Variants in OSM observed in about 807,000 individuals in gnomAD.
The protein encoded by OSM is oncostatin M, also known as oncostatin-M.
Under a neutral mutation model 6.3 loss-of-function variants are expected in OSM, and 1 was observed. That is an observed-to-expected ratio of 0.16 (90% CI 0.06 to 0.76). The LOEUF (loss-of-function observed/expected upper bound fraction) is 0.76, where lower values mean the gene tolerates loss of function less well. Ranked by LOEUF, OSM falls within the 30% of genes least tolerant of loss-of-function variation. The probability of loss-of-function intolerance (pLI) is 0.77; values close to 1 mark genes in which losing one functional copy is unlikely to be tolerated. For synonymous variants in OSM, 135 were observed against 143.4 expected (o/e 0.94, Z 0.42); for missense variants, 324 against 336.9 (o/e 0.96, Z 0.30).
chr22:30,264,182 C>T lies in OSM; in HGVS notation c.460G>A (p.Ala154Thr). The stretch of plus-strand genomic sequence containing the variant: ...GTGTCTGAGTTGTCCAGCAGCTGGG[C>T]CATGCAGTAGATGTTGTTCCTGAGC... ...LGLRNNIYCM[A>T]QLLDNSDTAE... is the part of the protein sequence containing the mutation. Residue 154 changes from alanine to threonine, a missense_variant, in exon 3 of 3, where the codon GCC becomes ACC. Coordinates refer to ENST00000215781, the MANE Select transcript of OSM (RefSeq NM_020530.6). 1 of 1,613,944 alleles carries T rather than the reference C, an allele frequency of 6.2e-7. No individual in the cohort carries two copies. The highest frequency in any genetic ancestry group is 1.1e-5 in the South Asian group (1 of 91,088).
In OSM at chr22:30,264,108, G is replaced by C; in HGVS notation, c.534C>G (p.Pro178=). Residue 178 remains proline, a synonymous_variant, in exon 3 of 3, where the codon CCC becomes CCG. Coordinates refer to ENST00000215781, the MANE Select transcript of OSM (RefSeq NM_020530.6). ...AGRGASQPPT[P]TPASDAFQRK... is the part of the protein sequence containing the mutation. ...GCTGAAAAGCATCCGAGGCAGGGGTGGGGGTGGGCGGCTGAGAGGCCCCCC... is the reference window on the plus strand; with the variant it reads ...GCTGAAAAGCATCCGAGGCAGGGGTCGGGGTGGGCGGCTGAGAGGCCCCCC... The C allele has an allele frequency of 1.9e-6, 3 of 1,610,824 alleles. No homozygotes were observed. Among genetic ancestry groups the C allele is most frequent in the Middle Eastern group, 1.7e-4 (1 of 6,054 alleles).
chr22:30,266,758 G>T lies in OSM; in HGVS notation c.34+8C>A. 1 of 1,613,232 alleles carries T rather than the reference G, an allele frequency of 6.2e-7. No homozygotes were observed. Among genetic ancestry groups the T allele is most frequent in the East Asian group, 2.2e-5 (1 of 44,756 alleles). On this transcript the variant is annotated splice_region_variant and intron_variant, in intron 1 of 2. Coordinates refer to ENST00000215781, the MANE Select transcript of OSM (RefSeq NM_020530.6). The surrounding 1 kb of genome is among the most constrained non-coding windows in gnomAD (Gnocchi z 5.0). ...GCGGGTTCTGGCGGGGAGGAAGGAA[G>T]TACTTACTGAGCAGCGTCCTCTGTG...
intron 2 of OSM, 57 bp downstream of exon 2, chr22:30,264,945 C>T (rs1929351268): frequency 6.3e-7 from 1 of 1,590,052 alleles, no homozygotes; most frequent in South Asian, 1.1e-5. Context: ...CTTCTCACTC[C>T]CTTCCTAACC....
rs199556685 is a variant in OSM at position 30,263,803 on chromosome 22, G to A, written c.*80C>T. 1.1e-5 allele frequency: 13 copies of A among 1,185,868 alleles called. No homozygotes were observed. Among genetic ancestry groups the A allele is most frequent in the South Asian group, 1.7e-5 (1 of 58,554 alleles). The allele number at this position is 1,185,868 out of a possible 1,614,324, so 73.5% of individuals were successfully genotyped here. A position where few individuals can be genotyped will look rare whatever the true frequency, so the allele number is the denominator to read the frequency against. ...CAGAGGGGAACAGGTTTGGGGACCC[G>A]GGAGCTGTCATCCTGCGATGGTTCC... On this transcript the variant is annotated 3_prime_UTR_variant, in exon 3 of 3. Coordinates refer to ENST00000215781, the MANE Select transcript of OSM (RefSeq NM_020530.6).
chr22:30,263,777 G>T lies in OSM; in HGVS notation c.*106C>A. 1.2e-6 allele frequency: 1 copy of T among 851,078 alleles called. No homozygotes were observed. 52.7% of individuals were successfully genotyped at this position (851,078 alleles called of 1,614,324 possible). A position where few individuals can be genotyped will look rare whatever the true frequency, so the allele number is the denominator to read the frequency against. ...AAAGTGCACTTCTCAGTGGCTAGTA[G>T]CAGAGGGGAACAGGTTTGGGGACCC... On this transcript the variant is annotated 3_prime_UTR_variant, in exon 3 of 3. Coordinates refer to ENST00000215781, the MANE Select transcript of OSM (RefSeq NM_020530.6).
intron 1 of OSM, chr22:30,265,477 T>TAACTA (rs1929367410): frequency 2.0e-6 from 2 of 985,330 alleles, no homozygotes; most frequent in African/African-American, 3.3e-5. Flanking sequence ...GGTTCTAACC[T>TAACTA]CGGGAGCTGA....
At chr22:30,265,312 C>T (rs1403800609) in intron 1 of OSM, 168 bp from the exon 2 acceptor site, 1 of 985,328 alleles carries the variant, frequency 1.0e-6, no homozygotes, top group East Asian at 1.1e-4. Context: ...CCCAGGTGTG[C>T]CCACCAAGGC....
intron 1 of OSM, chr22:30,265,924 G>A (rs964012278): frequency 5.2e-5 from 8 of 152,562 alleles, no homozygotes; most frequent in African/African-American, 1.7e-4. Flanking sequence ...CCCCCAACGG[G>A]GCACCGGCAG....
intron 1 of OSM, 106 bp from the exon 2 acceptor site, chr22:30,265,250 A>C: frequency 5.2e-6 from 8 of 1,523,986 alleles, no homozygotes; most frequent in Non-Finnish European, 7.0e-6. Flanking sequence ...CCTTCATCCC[A>C]GACTTTGTGT....
At chr22:30,265,214 G>T in intron 1 of OSM, 70 bp from the exon 2 acceptor site, 2 of 1,560,644 alleles carry the variant, frequency 1.3e-6, no homozygotes, top group South Asian at 2.3e-5. Flanking sequence ...CGGGGAGGGG[G>T]TTCAAGAGGG....
rs1330440047 is a variant in OSM, at chr22:30,266,287, C to T, written c.34+479G>A. On this transcript the variant is annotated intron_variant, in intron 1 of 2. Transcript: ENST00000215781. The surrounding 1 kb of genome is among the most constrained non-coding windows in gnomAD (Gnocchi z 5.0). ...TGAGATCCAGGGCTGTAGATGACGT[C>T]ATATGGCTGTGTGCGCATGTGGCCA... Among the ~76,000 whole-genome samples the T allele has an allele frequency of 6.6e-6, 1 of 152,154 alleles. No individual in the cohort carries two copies. The highest frequency in any genetic ancestry group is 1.5e-5 in the Non-Finnish European group (1 of 68,004).
In OSM at chr22:30,264,102, AGGGGTG is replaced by A. The variant is rs774695739; in HGVS notation, c.534_539del (p.Thr179_Pro180del). The stretch of plus-strand genomic sequence containing the variant: ...GCTTGCGCTGAAAAGCATCCGAGGC[AGGGGTG>A]GGGGTGGGCGGCTGAGAGGCCCCCC... On this transcript the variant is annotated inframe_deletion, in exon 3 of 3. Transcript: ENST00000215781. 2.5e-6 allele frequency: 4 copies of A among 1,603,968 alleles called. No individual in the cohort carries two copies. In the African/African-American group the frequency reaches 4.0e-5, roughly 16 times the overall value.
In OSM at chr22:30,265,406, C is replaced by T. The variant is rs749765305; in HGVS notation, c.35-262G>A. On this transcript the variant is annotated intron_variant, in intron 1 of 2. Coordinates refer to ENST00000215781, the MANE Select transcript of OSM (RefSeq NM_020530.6). ...GACTGAGACAGTGGCTGCGATTTACCAAGTAGGTCTTTGAGCAAAGGCTGC... is the reference window on the plus strand; with the variant it reads ...GACTGAGACAGTGGCTGCGATTTACTAAGTAGGTCTTTGAGCAAAGGCTGC... The T allele has an allele frequency of 1.3e-4, 124 of 985,324 alleles. No homozygotes were observed. The South Asian group carries it at 1.5e-3, about 12-fold the overall frequency. 61.0% of individuals were successfully genotyped at this position (985,324 alleles called of 1,614,324 possible).
Position 30,266,615 on chromosome 22 carries a change from T to C in OSM, c.34+151A>G. On this transcript the variant is annotated intron_variant, in intron 1 of 2. Coordinates refer to ENST00000215781, the MANE Select transcript of OSM (RefSeq NM_020530.6). The surrounding 1 kb of genome is among the most constrained non-coding windows in gnomAD (Gnocchi z 5.0). The stretch of plus-strand genomic sequence containing the variant: ...TTCTCAGTGGACCACTCTCTCTGCC[T>C]GACCTCCTGGCTCTCTCCCCTTCTC... 1 of 774,012 alleles carries C rather than the reference T, an allele frequency of 1.3e-6. No individual in the cohort carries two copies. The highest frequency in any genetic ancestry group is 2.1e-6 in the Non-Finnish European group (1 of 472,462). 47.9% of individuals were successfully genotyped at this position (774,012 alleles called of 1,614,324 possible). A position where few individuals can be genotyped will look rare whatever the true frequency, so the allele number is the denominator to read the frequency against.
chr22:30,264,374 GCCC>G lies in OSM; in HGVS notation c.265_267del (p.Gly89del). 1.2e-6 allele frequency: 2 copies of G among 1,613,962 alleles called. No homozygotes were observed. Among genetic ancestry groups the G allele is most frequent in the Non-Finnish European group, 1.7e-6 (2 of 1,180,004 alleles). ...GTCTGCAGGAAGCCCCGCCTGCCCA[GCCC>G]CCTCAGGGTCTCCTCACTGGGGAAG... On this transcript the variant is annotated inframe_deletion, in exon 3 of 3. Coordinates refer to ENST00000215781, the MANE Select transcript of OSM (RefSeq NM_020530.6).
chr22:30,264,114 G>A lies in OSM; in HGVS notation c.528C>T (p.Pro176=). Residue 176 remains proline (P), a synonymous_variant, in exon 3 of 3, where the codon CCC becomes CCT. Transcript: ENST00000215781. ...TKAGRGASQP[P]TPTPASDAFQ... ...AAGCATCCGAGGCAGGGGTGGGGGT[G>A]GGCGGCTGAGAGGCCCCCCGGCCAG... The A allele has an allele frequency of 1.2e-6, 2 of 1,611,628 alleles. No homozygotes were observed. The highest frequency in any genetic ancestry group is 1.1e-5 in the South Asian group (1 of 91,038).
At position 30,264,434 on chromosome 22, in the gene OSM, G is replaced by C; in HGVS notation, c.208C>G (p.Leu70Val). 1 of 1,608,804 alleles carries C rather than the reference G, an allele frequency of 6.2e-7. No individual in the cohort carries two copies. Among genetic ancestry groups the C allele is most frequent in the Non-Finnish European group, 8.5e-7 (1 of 1,175,704 alleles). Residue 70 changes from leucine to valine, a missense_variant, in exon 3 of 3, where the codon CTG becomes GTG. By Grantham distance (32) the Leu-to-Val change is conservative (BLOSUM62 1). Coordinates refer to ENST00000215781, the MANE Select transcript of OSM (RefSeq NM_020530.6). ...GGGCGCTCCCTGCAGTGCTCTCTCA[G>C]TTTAGGAACATCCAGGCCTTGGATA... ...IRIQGLDVPK[L>V]REHCRERPGA...
chr22:30,266,230 C>T lies in OSM; in HGVS notation c.34+536G>A, dbSNP rs1929389242. ...AGACCTGTTCCGTTCACCATGGGGA[C>T]TCTGGTCTGCATGTGGGGGTTCCTG... On this transcript the variant is annotated intron_variant, in intron 1 of 2. Transcript: ENST00000215781. This position sits in a 1 kb window ranked among gnomAD's most constrained non-coding sequence, Gnocchi z 5.0. Among the ~76,000 whole-genome samples the T allele has an allele frequency of 6.6e-6, 1 of 152,178 alleles. No homozygotes were observed. Among genetic ancestry groups the T allele is most frequent in the African/African-American group, 2.4e-5 (1 of 41,444 alleles).
rs757761104 is a variant in OSM, at chr22:30,265,110, C to T, written c.69G>A (p.Ala23=). ...AGCAGCTGCCTATAGCCGCCATGCT[C>T]GCCATGCTTGGAAACAGGAGTGCAA... ...LVLALLFPSM[A]SMAAIGSCSK... Residue 23 remains alanine (A), a synonymous_variant, in exon 2 of 3, where the codon GCG becomes GCA. Coordinates refer to ENST00000215781, the MANE Select transcript of OSM (RefSeq NM_020530.6). 39 of 1,614,024 alleles carry T rather than the reference C, an allele frequency of 2.4e-5. No homozygotes were observed. In the Middle Eastern group the frequency reaches 6.6e-4, roughly 27 times the overall value.
Sources: allele counts gnomAD v4.1 joint callset (sites outside exome capture counted in the v4.1 genomes callset), GRCh38; gene constraint gnomAD v4.1.1; non-coding constraint Gnocchi (gnomAD v3.1); transcripts MANE v1.5; gene names NCBI Gene and HGNC (gene_info 2026-07-23, HGNC 2026-07-21).